The following MTIF2 variants were observed in gnomAD, a reference collection of about 807,000 sequenced individuals.
The protein encoded by MTIF2 is mitochondrial translational initiation factor 2, also known as translation initiation factor IF-2, mitochondrial.
A neutral mutation model predicts 83.5 loss-of-function variants in MTIF2; 71 were observed. That is an observed-to-expected ratio of 0.85 (90% CI 0.70 to 1.04). The LOEUF (loss-of-function observed/expected upper bound fraction) is 1.04, where lower values mean the gene tolerates loss of function less well. MTIF2 is among the 50% of genes least tolerant of loss of function. The probability of loss-of-function intolerance (pLI) is 0.00; values close to 1 mark genes in which losing one functional copy is unlikely to be tolerated. For synonymous variants in MTIF2, 319 were observed against 287.1 expected, an observed-to-expected ratio of 1.11 and a Z score of -1.12; for missense variants, 957 against 846.5, an observed-to-expected ratio of 1.13 and a Z score of -1.62.
intron 10 of MTIF2, among the ~76,000 whole-genome samples, chr2:55,245,935 A>C (rs1458105338): frequency 2.6e-5 from 4 of 152,186 alleles, no homozygotes. Context: ...CAAGCACACC[A>C]CTTCAAAGAC....
intron 14 of MTIF2, among the ~76,000 whole-genome samples, chr2:55,238,866 A>G (rs1164049686): frequency 6.6e-6 from 1 of 152,192 alleles, no homozygotes; most frequent in Non-Finnish European, 1.5e-5. Flanking sequence ...CATTGCTCTT[A>G]GCACAAGAAC....
At chr2:55,268,771 C>T (rs948465592) in intron 1 of MTIF2, 32 bp from the exon 2 acceptor site, 1 of 152,164 alleles carries the variant, frequency 6.6e-6, no homozygotes, top group Non-Finnish European at 1.5e-5. Flanking sequence ...TACGTAGTTG[C>T]GTTAGGGAAA....
chr2:55,247,846 C>A lies in MTIF2; in HGVS notation c.982-1385G>T, dbSNP rs144328147. The stretch of plus-strand genomic sequence containing the variant: ...GCCTAAGCAGCTTTACATCTACCTA[C>A]TCATCTGATGGTATCTGGCCAGAAA... On this transcript the variant is annotated intron_variant, in intron 9 of 15. Coordinates refer to ENST00000263629, the MANE Select transcript of MTIF2 (RefSeq NM_002453.3). Among the ~76,000 whole-genome samples, 138 of 152,238 alleles carry A rather than the reference C, an allele frequency of 9.1e-4. 1 individual carries two copies. The East Asian group carries it at 0.017, about 19-fold the overall frequency.
chr2:55,236,844 A>C, intron 15 of MTIF2, 24 bp from the exon 16 acceptor site: 1 of 1,518,512 alleles, frequency 6.6e-7, no homozygotes, highest in South Asian at 1.3e-5. Flanking sequence ...ATTTAAGGTT[A>C]GTATATTCAA....
intron 14 of MTIF2, among the ~76,000 whole-genome samples, chr2:55,238,464 C>T (rs1317102189): frequency 6.9e-6 from 1 of 145,624 alleles, no homozygotes; most frequent in Non-Finnish European, 1.5e-5. Context: ...GATCTTGGCT[C>T]ACCAGCAAAC....
chr2:55,247,875 T>C (rs898457926), intron 9 of MTIF2, among the ~76,000 whole-genome samples: 14 of 151,948 alleles, frequency 9.2e-5, no homozygotes, highest in African/African-American at 3.4e-4. Flanking sequence ...CCAGAAAAGG[T>C]GGTCAACTCT....
chr2:55,245,984 T>C (rs754683599), intron 10 of MTIF2, among the ~76,000 whole-genome samples: 94 of 152,180 alleles, frequency 6.2e-4, no homozygotes, highest in Non-Finnish European at 1.0e-3. Flanking sequence ...GTATAAAGAA[T>C]TCACAAACCC....
intron 5 of MTIF2, among the ~76,000 whole-genome samples, chr2:55,258,978 T>C (rs116787411): frequency 0.017 from 2,545 of 151,942 alleles, 85 homozygotes; most frequent in African/African-American, 0.059. Flanking sequence ...GAAACTCTGT[T>C]CAAAAAAAAA....
intron 14 of MTIF2, among the ~76,000 whole-genome samples, chr2:55,237,654 T>TC (rs1244983507): frequency 3.4e-4 from 48 of 139,400 alleles, no homozygotes; most frequent in South Asian, 2.2e-3. Context: ...TTTTTCTTTT[T>TC]TTTTTTTTTT....
chr2:55,256,328 A>ACAAT (rs149034173), intron 5 of MTIF2, among the ~76,000 whole-genome samples: 82 of 138,778 alleles, frequency 5.9e-4, no homozygotes, highest in African/African-American at 2.0e-3. Flanking sequence ...ACACACACAC[A>ACAAT]ATATATATCT....
chr2:55,244,901 G>C (rs1676583647), intron 10 of MTIF2, among the ~76,000 whole-genome samples: 1 of 151,986 alleles, frequency 6.6e-6, no homozygotes, highest in African/African-American at 2.4e-5. Context: ...ACAAAAATTA[G>C]CTGAGTGTGG....
At chr2:55,245,873 TAG>T (rs1044228982) in intron 10 of MTIF2, among the ~76,000 whole-genome samples, 1 of 152,166 alleles carries the variant, frequency 6.6e-6, no homozygotes, top group Non-Finnish European at 1.5e-5. Context: ...ACTCAGTTGT[TAG>T]AGAGTGTAAA....
chr2:55,266,306 T>C lies in MTIF2; in HGVS notation c.-8+1263A>G, dbSNP rs188040934. Reference sequence around the variant, plus strand: ...TGGGAGGCCAAGGCAGGCAGATCATTTGAGGTCAGGAGTTCGACGCCAGCC... The same window carrying C: ...TGGGAGGCCAAGGCAGGCAGATCATCTGAGGTCAGGAGTTCGACGCCAGCC... On this transcript the variant is annotated intron_variant, in intron 3 of 15. Transcript: ENST00000263629. 4 of 152,232 alleles carry C rather than the reference T, an allele frequency of 2.6e-5. No homozygotes were observed. In the East Asian group the frequency reaches 7.7e-4, roughly 29 times the overall value. 9.4% of individuals were successfully genotyped at this position (152,232 alleles called of 1,614,324 possible).
chr2:55,243,167 G>T, intron 12 of MTIF2, 87 bp from the exon 13 acceptor site: 1 of 1,335,416 alleles, frequency 7.5e-7, no homozygotes. Context: ...TTAAAGCCAT[G>T]ATAGGAATGT....
At chr2:55,238,738 G>A (rs528984730) in intron 14 of MTIF2, among the ~76,000 whole-genome samples, 11 of 152,116 alleles carry the variant, frequency 7.2e-5, no homozygotes, top group African/African-American at 2.7e-4. Flanking sequence ...CAATAATGAA[G>A]TAACAGGCAC....
At position 55,263,754 on chromosome 2, in the gene MTIF2, A is replaced by G. The variant is rs747964038; in HGVS notation, c.105T>C (p.His35=). The change falls in exon 4 of 16, where the codon CAT becomes CAC. Residue 35 remains histidine, a synonymous_variant. Coordinates refer to ENST00000263629, the MANE Select transcript of MTIF2 (RefSeq NM_002453.3). ...CQRRALRQWR[H]GFSSAYPVWT... The stretch of plus-strand genomic sequence containing the variant: ...ACACAGGGTAAGCAGATGAAAACCC[A>G]TGCCTCCACTGTCTTAATGCTCTTC... The G allele has an allele frequency of 1.2e-6, 2 of 1,614,028 alleles. No individual in the cohort carries two copies. The highest frequency in any genetic ancestry group is 8.5e-7 in the Non-Finnish European group (1 of 1,180,026).
At chr2:55,247,858 T>C (rs1247040224) in intron 9 of MTIF2, among the ~76,000 whole-genome samples, 3 of 152,140 alleles carry the variant, frequency 2.0e-5, no homozygotes, top group Non-Finnish European at 2.9e-5. Context: ...CATCTGATGG[T>C]ATCTGGCCAG....
At chr2:55,260,541 T>A (rs147892558) in intron 5 of MTIF2, among the ~76,000 whole-genome samples, 13 of 152,298 alleles carry the variant, frequency 8.5e-5, no homozygotes, top group African/African-American at 3.1e-4. Flanking sequence ...AAAATAATTA[T>A]TGAAAGATAA....
chr2:55,258,695 C>G (rs890412546), intron 5 of MTIF2, among the ~76,000 whole-genome samples: 2 of 151,780 alleles, frequency 1.3e-5, no homozygotes, highest in African/African-American at 4.8e-5. Context: ...GCCTGTAGTC[C>G]CAGCTACTCG....
Sources: gnomAD v4.1 joint callset for allele counts (sites outside exome capture counted in the v4.1 genomes callset) on GRCh38, gnomAD v4.1.1 for gene constraint, MANE v1.5 for transcripts, NCBI Gene and HGNC (gene_info 2026-07-23, HGNC 2026-07-21) for gene names.